The following HOOK3 variants were observed in gnomAD, a reference collection of about 807,000 sequenced individuals.
HOOK3 encodes protein Hook homolog 3.
HOOK3 carries 24 observed loss-of-function variants against 116.3 expected under a neutral mutation model. That is an observed-to-expected ratio of 0.21 (90% CI 0.15 to 0.29). The LOEUF (loss-of-function observed/expected upper bound fraction) is 0.29. HOOK3 is among the 10% of genes least tolerant of loss of function. The pLI, the probability that HOOK3 is intolerant of heterozygous loss-of-function variation, is 1.00. For missense variants in HOOK3, 632 were observed against 830.2 expected (o/e 0.76, Z 2.93); for synonymous variants, 275 against 283.0 (o/e 0.97, Z 0.28).
At chr8:42,976,522 A>G (rs1212616981) in intron 13 of HOOK3, among the ~76,000 whole-genome samples, 2 of 152,008 alleles carry the variant, frequency 1.3e-5, no homozygotes, top group Non-Finnish European at 2.9e-5. Context: ...CAATTTAGTA[A>G]TAGGACAATT....
chr8:42,994,393 G>C (rs1011464909), intron 15 of HOOK3: 3 of 391,264 alleles, frequency 7.7e-6, no homozygotes, highest in Non-Finnish European at 1.5e-5. Context: ...CAGTGGCATC[G>C]TTAGGTTGTT....
intron 1 of HOOK3, among the ~76,000 whole-genome samples, chr8:42,905,828 G>A (rs1406234702): frequency 6.6e-6 from 1 of 150,680 alleles, no homozygotes; most frequent in Non-Finnish European, 1.5e-5. Context: ...GCTCACACCT[G>A]TAATCCCAGC....
chr8:42,897,357 G>C (rs895593051), intron 1 of HOOK3, 169 bp downstream of exon 1: 2 of 410,972 alleles, frequency 4.9e-6, no homozygotes, highest in African/African-American at 2.1e-5. Context: ...GAGACTTGCC[G>C]GGCCTGAGGC....
In HOOK3 at chr8:43,019,366, T is replaced by C. The variant is rs1489645584; in HGVS notation, c.*868T>C. 1 of 214,670 alleles carries C rather than the reference T, an allele frequency of 4.7e-6. No homozygotes were observed. The highest frequency in any genetic ancestry group is 5.9e-5 in the Admixed American group (1 of 17,094). 13.3% of individuals were successfully genotyped at this position (214,670 alleles called of 1,614,324 possible). A position where few individuals can be genotyped will look rare whatever the true frequency, so the allele number is the denominator to read the frequency against. The stretch of plus-strand genomic sequence containing the variant: ...CTTTCCACATCTAAAAGAGTTATCT[T>C]TCATATATGTACAAGTTATTGGTAG... On this transcript the variant is annotated 3_prime_UTR_variant, in exon 22 of 22. Transcript: ENST00000307602.
At chr8:42,944,744 G>A (rs1215007298) in intron 5 of HOOK3, among the ~76,000 whole-genome samples, 1 of 152,142 alleles carries the variant, frequency 6.6e-6, no homozygotes, top group African/African-American at 2.4e-5. Flanking sequence ...ACTTGAACCT[G>A]GGAGGCGGAG....
intron 21 of HOOK3, among the ~76,000 whole-genome samples, chr8:43,015,749 C>T (rs759483854): frequency 4.6e-5 from 7 of 152,044 alleles, no homozygotes; most frequent in Admixed American, 2.6e-4. Flanking sequence ...GACGGAGTCT[C>T]ACTTTGTCAC....
In HOOK3 at chr8:42,931,079, T is replaced by G. The variant is rs185529167; in HGVS notation, c.267+907T>G. Among the ~76,000 whole-genome samples the G allele has an allele frequency of 3.5e-3, 540 of 152,320 alleles. 5 individuals carry two copies. Among genetic ancestry groups the G allele is most frequent in the African/African-American group, 0.013 (524 of 41,568 alleles). Reference sequence around the variant, plus strand: ...TTACCATGAACGACTTCCTAACTACTTTTCCCGCACCTAAGGCACTGGAGC... The same window carrying G: ...TTACCATGAACGACTTCCTAACTACGTTTCCCGCACCTAAGGCACTGGAGC... On this transcript the variant is annotated intron_variant, in intron 4 of 21. Transcript: ENST00000307602.
rs1808846680 is a variant in HOOK3, at chr8:42,977,205, CT to C, written c.1321+3013del. 2.6e-5 allele frequency among the ~76,000 whole-genome samples: 4 copies of C among 152,268 alleles called. No homozygotes were observed. In the South Asian group the frequency reaches 8.3e-4, roughly 32 times the overall value. On this transcript the variant is annotated intron_variant, in intron 13 of 21. Coordinates refer to ENST00000307602, the MANE Select transcript of HOOK3 (RefSeq NM_032410.4). ...TCCTCAAGAAGTATTAATGAAATGA[CT>C]TACAGAAAAAATTTTCTTAAATAAC...
At chr8:42,902,795 T>C (rs529041046) in intron 1 of HOOK3, among the ~76,000 whole-genome samples, 1 of 152,300 alleles carries the variant, frequency 6.6e-6, no homozygotes, top group Non-Finnish European at 1.5e-5. Flanking sequence ...AAACTAGGGA[T>C]TAGAATTAGC....
At chr8:42,940,086 C>T (rs1808076363) in intron 4 of HOOK3, among the ~76,000 whole-genome samples, 1 of 152,250 alleles carries the variant, frequency 6.6e-6, no homozygotes, top group Non-Finnish European at 1.5e-5. Context: ...GGGGCGGCGG[C>T]CGGGCAGAGG....
chr8:42,975,698 C>T (rs1808808808), intron 13 of HOOK3, among the ~76,000 whole-genome samples: 1 of 152,158 alleles, frequency 6.6e-6, no homozygotes, highest in Admixed American at 6.5e-5. Context: ...TATTCTAATA[C>T]TTACCTTAAG....
At chr8:42,973,435 C>T (rs371822919) in intron 12 of HOOK3, 36 bp downstream of exon 12, 37 of 1,361,144 alleles carry the variant, frequency 2.7e-5, no homozygotes, top group Middle Eastern at 1.9e-4. Context: ...GTTTTGAGCA[C>T]TGCTAAAATT....
intron 6 of HOOK3, among the ~76,000 whole-genome samples, chr8:42,956,269 C>T (rs902147629): frequency 7.8e-6 from 1 of 127,778 alleles, no homozygotes; most frequent in Non-Finnish European, 1.7e-5. Flanking sequence ...TGTGTGTTAT[C>T]ATTAAACATT....
At chr8:42,984,141 G>T (rs1232223917) in intron 14 of HOOK3, among the ~76,000 whole-genome samples, 1 of 152,154 alleles carries the variant, frequency 6.6e-6, no homozygotes, top group Non-Finnish European at 1.5e-5. Context: ...GCCAAAGTGG[G>T]TGGATCACCT....
chr8:42,970,137 CT>C (rs953241336), intron 11 of HOOK3, among the ~76,000 whole-genome samples: 1 of 152,086 alleles, frequency 6.6e-6, no homozygotes, highest in African/African-American at 2.4e-5. Context: ...CTTTGAGACT[CT>C]TTTTGTCTGT....
chr8:42,996,609 C>T (rs1809274378), intron 15 of HOOK3, among the ~76,000 whole-genome samples: 1 of 152,036 alleles, frequency 6.6e-6, no homozygotes, highest in African/African-American at 2.4e-5. Flanking sequence ...TACTCATCAT[C>T]TATACCATTC....
At position 42,962,261 on chromosome 8, in the gene HOOK3, CTTTTTTTT is replaced by C. The variant is rs559919675; in HGVS notation, c.616-2038_616-2031del. On this transcript the variant is annotated intron_variant, in intron 8 of 21. Coordinates refer to ENST00000307602, the MANE Select transcript of HOOK3 (RefSeq NM_032410.4). ...CTAGGCTTGGCTAAAATTTTCATTT[CTTTTTTTT>C]TTTTTTTTTTTGGTAGAAATGGGGT... Among the ~76,000 whole-genome samples the C allele has an allele frequency of 6.8e-5, 8 of 117,784 alleles. No homozygotes were observed. The East Asian group carries it at 9.6e-4, about 14-fold the overall frequency. 77.3% of individuals were successfully genotyped at this position (117,784 alleles called of 152,430 possible). A position where few individuals can be genotyped will look rare whatever the true frequency, so the allele number is the denominator to read the frequency against.
intron 1 of HOOK3, among the ~76,000 whole-genome samples, chr8:42,897,530 C>T (rs918174839): frequency 7.2e-5 from 11 of 152,238 alleles, no homozygotes; most frequent in Admixed American, 3.3e-4. Flanking sequence ...GCCTTTGTTG[C>T]CGCGTTCGCG....
intron 1 of HOOK3, among the ~76,000 whole-genome samples, chr8:42,901,826 A>G (rs1807195705): frequency 6.6e-6 from 1 of 151,860 alleles, no homozygotes; most frequent in East Asian, 1.9e-4. Flanking sequence ...ATTCTGCCTC[A>G]GCCTCCCTAG....
Sources: gnomAD v4.1 joint callset for allele counts (sites outside exome capture counted in the v4.1 genomes callset) on GRCh38, gnomAD v4.1.1 for gene constraint, MANE v1.5 for transcripts, NCBI Gene and HGNC (gene_info 2026-07-23, HGNC 2026-07-21) for gene names.